Variants in RIPOR1 observed in about 807,000 individuals in gnomAD.
RIPOR1 encodes RHO family interacting cell polarization regulator 1.
A neutral mutation model predicts 116.5 loss-of-function variants in RIPOR1; 58 were observed. The observed-to-expected ratio is 0.50, with a 90% CI of 0.40 to 0.62. RIPOR1 has a LOEUF of 0.62. Ranked by LOEUF, RIPOR1 falls within the 20% of genes least tolerant of loss-of-function variation. RIPOR1 has a pLI of 0.00. For synonymous variants in RIPOR1, 605 were observed against 650.0 expected (o/e 0.93, Z 1.05); for missense variants, 1,372 against 1,586.2 (o/e 0.86, Z 2.29).
At position 67,545,246 on chromosome 16, in the gene RIPOR1, G is replaced by C; in HGVS notation, c.3031+129G>C. 6.6e-7 allele frequency: 1 copy of C among 1,516,796 alleles called. No individual in the cohort carries two copies. The highest frequency in any genetic ancestry group is 8.9e-7 in the Non-Finnish European group (1 of 1,118,356). The allele number at this position is 1,516,796 out of a possible 1,614,324, so 94.0% of individuals were successfully genotyped here. On this transcript the variant is annotated intron_variant, in intron 17 of 21. Coordinates refer to ENST00000042381, the MANE Select transcript of RIPOR1 (RefSeq NM_024519.4). The surrounding 1 kb of genome is among the most constrained non-coding windows in gnomAD (Gnocchi z 4.8). ...GAGACCAGCAAAGACTTGGGCCTTA[G>C]AGCAGAAGGACCCAGATGGGTGGGG...
chr16:67,539,046 A>G lies in RIPOR1; in HGVS notation c.314A>G (p.Glu105Gly), dbSNP rs371999360. 3 of 1,613,148 alleles carry G rather than the reference A, an allele frequency of 1.9e-6. No individual in the cohort carries two copies. The highest frequency in any genetic ancestry group is 2.5e-6 in the Non-Finnish European group (3 of 1,179,752). The change falls in exon 4 of 22, where the codon GAG (glutamate) becomes GGG (glycine). Residue 105 changes from glutamate (E) to glycine (G), a missense_variant. Physicochemically the swap from Glu to Gly is moderately conservative, Grantham distance 98. Coordinates refer to ENST00000042381, the MANE Select transcript of RIPOR1 (RefSeq NM_024519.4). ...GAGAAACTCCAGGGGCAGATAAGGG[A>G]GTCCAAGAGGAATTCCCGCTTGGTG... ...EQEKLQGQIRESKRNSRLGFL... is the reference protein window; with the variant it reads ...EQEKLQGQIRGSKRNSRLGFL...
At chr16:67,538,857 G>C in intron 3 of RIPOR1, 33 bp downstream of exon 3, 1 of 1,610,714 alleles carries the variant, frequency 6.2e-7, no homozygotes, top group Non-Finnish European at 8.5e-7. Context: ...GCCCTGTCCC[G>C]GGATCCCTCC....
rs570743527 is a variant in RIPOR1 at position 67,523,418 on chromosome 16, C to T, written c.-24+4805C>T. Among the ~76,000 whole-genome samples the T allele has an allele frequency of 5.7e-3, 821 of 144,256 alleles. 7 individuals are homozygous for T. The highest frequency in any genetic ancestry group is 0.02 in the African/African-American group (801 of 39,268). 94.6% of individuals were successfully genotyped at this position (144,256 alleles called of 152,430 possible). A position where few individuals can be genotyped will look rare whatever the true frequency, so the allele number is the denominator to read the frequency against. ...GCGCGTGCCTGTAACCCCAGCTACT[C>T]GGGAGGCTGAGGCATGAGAATCGCT... On this transcript the variant is annotated intron_variant, in intron 1 of 1. Transcript: ENST00000562116.
upstream of RIPOR1, among the ~76,000 whole-genome samples, chr16:67,525,102 T>C (rs543712786): frequency 1.7e-3 from 252 of 152,334 alleles, 1 homozygote; most frequent in African/African-American, 5.8e-3. Flanking sequence ...AGCTGCTCCT[T>C]CCAGGACCTA....
rs569857517 is a variant in RIPOR1 at position 67,543,372 on chromosome 16, C to T, written c.2503C>T (p.Arg835Trp). The change falls in exon 14 of 22, where the codon CGG becomes TGG. Residue 835 changes from arginine to tryptophan, a missense_variant. Around this residue, in one of 3 missense-constraint regions of RIPOR1, gnomAD observed 1,005 missense variants for 1,144.7 expected, o/e 0.88. Transcript: ENST00000042381. This position sits in a 1 kb window ranked among gnomAD's most constrained non-coding sequence, Gnocchi z 4.7. ...LMQRQGLTRS[R>W]ASSLSITVEH... ...GCAGAGACAAGGTCTGACTCGCAGC[C>T]GGGCCTCCAGTCTCAGCATCACTGT... 147 of 1,602,370 alleles carry T rather than the reference C, an allele frequency of 9.2e-5. 3 individuals are homozygous for T. The South Asian group carries it at 1.3e-3, about 14-fold the overall frequency.
In RIPOR1 at chr16:67,531,541, T is replaced by C; in HGVS notation, c.-24+2627T>C. 2.3e-6 allele frequency: 1 copy of C among 441,692 alleles called. No individual in the cohort carries two copies. Among genetic ancestry groups the C allele is most frequent in the South Asian group, 1.6e-5 (1 of 62,782 alleles). 27.4% of individuals were successfully genotyped at this position (441,692 alleles called of 1,614,324 possible). ...TGGAGGAAGAAGTCATAGGGTAGAC[T>C]TGAGGAAGGAGAGGGACTTGGGGCT... is the stretch of plus-strand genomic sequence containing the variant. On this transcript the variant is annotated intron_variant, in intron 1 of 21. Coordinates refer to ENST00000042381, the MANE Select transcript of RIPOR1 (RefSeq NM_024519.4). The surrounding 1 kb of genome is among the most constrained non-coding windows in gnomAD (Gnocchi z 4.2).
chr16:67,532,570 G>A (rs1313411837), intron 1 of RIPOR1, among the ~76,000 whole-genome samples: 1 of 152,162 alleles, frequency 6.6e-6, no homozygotes, highest in East Asian at 1.9e-4. Flanking sequence ...CCTCATGAGA[G>A]GAGATCTCAT....
upstream of RIPOR1, chr16:67,528,694 G>C (rs1028566424): frequency 1.3e-5 from 2 of 151,230 alleles, no homozygotes; most frequent in African/African-American, 4.9e-5. Flanking sequence ...GGCCTGCCCC[G>C]TTATCCGAGA....
intron 1 of RIPOR1, among the ~76,000 whole-genome samples, chr16:67,521,531 G>C (rs2050494946): frequency 6.6e-6 from 1 of 152,206 alleles, no homozygotes; most frequent in Admixed American, 6.5e-5. Context: ...AGCTGGGAGA[G>C]GCGAAGACGT....
Position 67,542,383 on chromosome 16 carries a change from T to G in RIPOR1, c.1597T>G (p.Ser533Ala). Residue 533 changes from serine to alanine, a missense_variant, in exon 13 of 22, where the codon TCC (serine) becomes GCC (alanine). This residue lies in a region of RIPOR1 where 1,005 missense variants were observed against 1,144.7 expected (regional missense o/e 0.88). Transcript: ENST00000042381. This position sits in a 1 kb window ranked among gnomAD's most constrained non-coding sequence, Gnocchi z 4.6. The stretch of plus-strand genomic sequence containing the variant: ...TGCACACCTAGACTCAGTTCATAAG[T>G]CCACAGACTCTGGCCCTTCAGAACT... Reference protein sequence around the residue: ...PSAHLDSVHKSTDSGPSELPG... With the variant: ...PSAHLDSVHKATDSGPSELPG... 6.2e-7 allele frequency: 1 copy of G among 1,613,524 alleles called. No individual in the cohort carries two copies. The highest frequency in any genetic ancestry group is 1.1e-5 in the South Asian group (1 of 91,046).
rs922137860 is a variant in RIPOR1 at position 67,543,179 on chromosome 16, T to C, written c.2393T>C (p.Met798Thr). Residue 798 changes from methionine to threonine, a missense_variant, in exon 13 of 22, where the codon ATG (methionine) becomes ACG (threonine). Around this residue, in one of 3 missense-constraint regions of RIPOR1, gnomAD observed 1,005 missense variants for 1,144.7 expected, o/e 0.88. Transcript: ENST00000042381. The surrounding 1 kb of genome is among the most constrained non-coding windows in gnomAD (Gnocchi z 4.7). Reference protein sequence around the residue: ...RSLEEALGALMAALDDYRGQF... With the variant: ...RSLEEALGALTAALDDYRGQF... ...CTGGAGGAGGCACTGGGGGCCCTAA[T>C]GGCTGCCCTGGATGACTACCGTGGC... 6.5e-7 allele frequency: 1 copy of C among 1,543,656 alleles called. No homozygotes were observed. Among genetic ancestry groups the C allele is most frequent in the East Asian group, 2.3e-5 (1 of 44,326 alleles).
At chr16:67,539,131 C>T in intron 4 of RIPOR1, 63 bp downstream of exon 4, 1 of 1,393,092 alleles carries the variant, frequency 7.2e-7, no homozygotes, top group Non-Finnish European at 1.0e-6. Context: ...GCAAGGGCAG[C>T]CCTGGGTGAT....
In RIPOR1 at chr16:67,546,405, C is replaced by T. The variant is rs758304358; in HGVS notation, c.3602C>T (p.Ser1201Phe). 8.7e-6 allele frequency: 14 copies of T among 1,613,944 alleles called. No homozygotes were observed. The highest frequency in any genetic ancestry group is 6.7e-5 in the East Asian group (3 of 44,900). ...TCTGCCCATCGACGGCTGGAGGAGT[C>T]CCTGGACGCCCTGCCCCGCATCTTT... ...GQSAHRRLEE[S>F]LDALPRIFGP... is the part of the protein sequence containing the mutation. Residue 1201 changes from serine (S) to phenylalanine (F), a missense_variant, in exon 22 of 22, where the codon TCC (serine) becomes TTC (phenylalanine). By Grantham distance (155) the Ser-to-Phe change is radical. Around this residue, in one of 3 missense-constraint regions of RIPOR1, gnomAD observed 1,005 missense variants for 1,144.7 expected, o/e 0.88. Coordinates refer to ENST00000042381, the MANE Select transcript of RIPOR1 (RefSeq NM_024519.4).
At position 67,530,103 on chromosome 16, in the gene RIPOR1, G is replaced by A; in HGVS notation, c.-24+1189G>A. On this transcript the variant is annotated intron_variant, in intron 1 of 21. Transcript: ENST00000042381. This position sits in a 1 kb window ranked among gnomAD's most constrained non-coding sequence, Gnocchi z 4.5. ...GAGGAGCAAGGTGAGCCGCCCCAGG[G>A]GTCTGGGTTTGGGTGCGGGTGAGGG... 2 of 584,180 alleles carry A rather than the reference G, an allele frequency of 3.4e-6. No homozygotes were observed. Among genetic ancestry groups the A allele is most frequent in the Admixed American group, 5.8e-5 (2 of 34,492 alleles). 36.2% of individuals were successfully genotyped at this position (584,180 alleles called of 1,614,324 possible). A position where few individuals can be genotyped will look rare whatever the true frequency, so the allele number is the denominator to read the frequency against.
In RIPOR1 at chr16:67,542,447, G is replaced by C. The variant is rs1345311622; in HGVS notation, c.1661G>C (p.Ser554Thr). Residue 554 changes from serine to threonine, a missense_variant, in exon 13 of 22, where the codon AGT becomes ACT. This residue lies in a region of RIPOR1 where 1,005 missense variants were observed against 1,144.7 expected (regional missense o/e 0.88). Transcript: ENST00000042381. The surrounding 1 kb of genome is among the most constrained non-coding windows in gnomAD (Gnocchi z 4.6). ...PTHTTTGSTYSAITTTHSAPS... is the reference protein window; with the variant it reads ...PTHTTTGSTYTAITTTHSAPS... ...CACACCACTACAGGCTCTACCTATA[G>C]TGCCATTACCACTACCCACAGTGCT... is the stretch of plus-strand genomic sequence containing the variant. The C allele has an allele frequency of 6.2e-7, 1 of 1,613,604 alleles. No individual in the cohort carries two copies. The highest frequency in any genetic ancestry group is 8.5e-7 in the Non-Finnish European group (1 of 1,179,914).
intron 1 of RIPOR1, among the ~76,000 whole-genome samples, chr16:67,536,032 G>C (rs993960980): frequency 2.0e-5 from 3 of 152,202 alleles, no homozygotes; most frequent in Admixed American, 2.0e-4. Context: ...CACAGTATGG[G>C]AGAACTGAGC....
At position 67,544,272 on chromosome 16, in the gene RIPOR1, G is replaced by A; in HGVS notation, c.2601-27G>A. 2 of 1,583,734 alleles carry A rather than the reference G, an allele frequency of 1.3e-6. No individual in the cohort carries two copies. Among genetic ancestry groups the A allele is most frequent in the Non-Finnish European group, 1.7e-6 (2 of 1,157,554 alleles). On this transcript the variant is annotated intron_variant, in intron 14 of 21. Transcript: ENST00000042381. The surrounding 1 kb of genome is among the most constrained non-coding windows in gnomAD (Gnocchi z 5.1). ...GACCAGGTGGTGATGTGTGCCTGTG[G>A]GGTGGTGGACCCCATTTTTCCCTCA... is the stretch of plus-strand genomic sequence containing the variant.
intron 4 of RIPOR1, chr16:67,539,489 GA>G: frequency 5.0e-6 from 3 of 599,030 alleles, no homozygotes; most frequent in East Asian, 2.8e-5. Flanking sequence ...GCGGCTGCAG[GA>G]AAAGGAATCC....
At position 67,538,836 on chromosome 16, in the gene RIPOR1, C is replaced by T. The variant is rs767629990; in HGVS notation, c.257+12C>T. 1.2e-6 allele frequency: 2 copies of T among 1,612,562 alleles called. No individual in the cohort carries two copies. Among genetic ancestry groups the T allele is most frequent in the Non-Finnish European group, 1.7e-6 (2 of 1,179,758 alleles). ...AAGCGGGGCCTGACGTGAGCAGCTC[C>T]TCTGTTCCCAGCCCTGTCCCGGGAT... On this transcript the variant is annotated intron_variant, in intron 3 of 21. Coordinates refer to ENST00000042381, the MANE Select transcript of RIPOR1 (RefSeq NM_024519.4).
Sources: gnomAD v4.1 joint callset for allele counts (sites outside exome capture counted in the v4.1 genomes callset) on GRCh38, gnomAD v4.1.1 for gene constraint, gnomAD v4.1.1 regional missense constraint, Gnocchi (gnomAD v3.1) non-coding constraint, MANE v1.5 for transcripts, NCBI Gene and HGNC (gene_info 2026-07-23, HGNC 2026-07-21) for gene names.